The following ANK3 variants were observed in gnomAD, a reference collection of about 807,000 sequenced individuals.
The protein encoded by ANK3 is ankyrin-3.
In ANK3, 57 loss-of-function variants were observed where a neutral mutation model predicts 370.9. That is an observed-to-expected ratio of 0.15 (90% CI 0.12 to 0.19). The LOEUF (loss-of-function observed/expected upper bound fraction) is 0.19, where lower values mean the gene tolerates loss of function less well. Among genes scored for constraint, ANK3 ranks in the 10% least tolerant of loss-of-function variants. The pLI, the probability that ANK3 is intolerant of heterozygous loss-of-function variation, is 1.00. For missense variants in ANK3, 4,439 were observed against 5,302.1 expected (o/e 0.84, Z 5.06); for synonymous variants, 1,929 against 1,946.3 (o/e 0.99, Z 0.23).
chr10:60,422,272 T>C (rs2063794584), intron 2 of ANK3, among the ~76,000 whole-genome samples: 1 of 152,118 alleles, frequency 6.6e-6, no homozygotes, highest in Non-Finnish European at 1.5e-5. Flanking sequence ...AATTCATTCA[T>C]TCTTCCATTA....
At chr10:60,284,988 A>C (rs1175742196) in intron 1 of ANK3, among the ~76,000 whole-genome samples, 1 of 151,962 alleles carries the variant, frequency 6.6e-6, no homozygotes, top group Non-Finnish European at 1.5e-5. Flanking sequence ...AAACAAAACC[A>C]AAAATACAAA....
chr10:60,188,345 T>C (rs1465935360), intron 16 of ANK3, among the ~76,000 whole-genome samples: 2 of 152,160 alleles, frequency 1.3e-5, no homozygotes, highest in East Asian at 1.9e-4. Context: ...TCACAGTCAC[T>C]TACAAGAAGT....
At chr10:60,565,214 G>A (rs1353776359) in intron 2 of ANK3, among the ~76,000 whole-genome samples, 6 of 152,172 alleles carry the variant, frequency 3.9e-5, no homozygotes, top group African/African-American at 9.7e-5. Context: ...TTCCACAGAT[G>A]GTGGAGATGG....
intron 25 of ANK3, among the ~76,000 whole-genome samples, chr10:60,130,232 C>G (rs1032053790): frequency 6.6e-6 from 1 of 152,200 alleles, no homozygotes; most frequent in Admixed American, 6.5e-5. Context: ...CAGCTCTGGC[C>G]TCCACATGTG....
intron 42 of ANK3, among the ~76,000 whole-genome samples, chr10:60,047,927 T>G (rs890012369): frequency 1.3e-5 from 2 of 152,188 alleles, no homozygotes; most frequent in Admixed American, 1.3e-4. Flanking sequence ...TTAAGTCCCA[T>G]GACAAATGGG....
intron 2 of ANK3, among the ~76,000 whole-genome samples, chr10:60,594,315 G>A (rs2077957696): frequency 1.3e-5 from 2 of 152,050 alleles, no homozygotes; most frequent in South Asian, 2.1e-4. Flanking sequence ...GCTAATCCCC[G>A]GACTACAGCT....
chr10:60,261,879 C>A lies in ANK3; in HGVS notation c.778G>T (p.Ala260Ser). 1.9e-6 allele frequency: 3 copies of A among 1,614,082 alleles called. No individual in the cohort carries two copies. The highest frequency in any genetic ancestry group is 2.5e-6 in the Non-Finnish European group (3 of 1,179,970). Reference sequence around the variant, plus strand: ...CTTACCCTTGCGGTGAAATCCACAGCAGCCGCTCGGTTTAACAGCAACGTG... The same window carrying A: ...CTTACCCTTGCGGTGAAATCCACAGAAGCCGCTCGGTTTAACAGCAACGTG... ...VATLLLNRAA[A>S]VDFTARNDIT... is the part of the protein sequence containing the mutation. The change falls in exon 7 of 44, where the codon GCT becomes TCT. Residue 260 changes from alanine to serine, a missense_variant. Physicochemically the swap from Ala to Ser is moderately conservative, Grantham distance 99. Around this residue, in one of 13 missense-constraint regions of ANK3, gnomAD observed 227 missense variants for 377.6 expected, o/e 0.60. Coordinates refer to ENST00000280772, the MANE Select transcript of ANK3 (RefSeq NM_020987.5).
At chr10:60,265,224 TCCCTCCTCATTGACCATTA>T (rs2097859772) in intron 5 of ANK3, among the ~76,000 whole-genome samples, 2 of 152,160 alleles carry the variant, frequency 1.3e-5, no homozygotes, top group Non-Finnish European at 2.9e-5. Context: ...CAAAAACTTA[TCCCTCCTCATTGACCATTA>T]CCTCCTGTCT....
intron 8 of ANK3, among the ~76,000 whole-genome samples, chr10:60,233,030 T>G (rs894530994): frequency 6.6e-6 from 1 of 152,196 alleles, no homozygotes; most frequent in East Asian, 1.9e-4. Flanking sequence ...GATAGATGGA[T>G]GTTTGTCGTG....
In ANK3 at chr10:60,080,545, G is replaced by A. The variant is rs200130698; in HGVS notation, c.4424C>T (p.Pro1475Leu). Residue 1475 changes from proline (P) to leucine (L), a missense_variant, in exon 36 of 44, where the codon CCT (proline) becomes CTT (leucine). Coordinates refer to ENST00000280772, the MANE Select transcript of ANK3 (RefSeq NM_020987.5). ...LRKRYSYLTE[P>L]GMIERSTGAT... ...TGTGTTAGGAAACTCACTCATTCCA[G>A]GCTCAGTCAAGTAGCTGTAGCGCTT... The A allele has an allele frequency of 1.3e-4, 203 of 1,612,376 alleles. No individual in the cohort carries two copies. Among genetic ancestry groups the A allele is most frequent in the Non-Finnish European group, 1.6e-4 (190 of 1,179,146 alleles).
chr10:60,715,332 C>T (rs2079770618), intron 1 of ANK3, among the ~76,000 whole-genome samples: 1 of 151,588 alleles, frequency 6.6e-6, no homozygotes, highest in Non-Finnish European at 1.5e-5. Flanking sequence ...ATGCCTGGCA[C>T]AAAGAGGTGT....
chr10:60,266,449 T>C (rs2097881154), intron 5 of ANK3, among the ~76,000 whole-genome samples: 1 of 152,006 alleles, frequency 6.6e-6, no homozygotes, highest in African/African-American at 2.4e-5. Flanking sequence ...AAAAGGAAAA[T>C]TGTGTTTTGA....
rs553917492 is a variant in ANK3, at chr10:60,695,021, C to T, written c.57+38242G>A. Among the ~76,000 whole-genome samples the T allele has an allele frequency of 8.6e-3, 1,261 of 146,172 alleles. 7 individuals carry two copies. The highest frequency in any genetic ancestry group is 0.014 in the Non-Finnish European group (947 of 66,140). On this transcript the variant is annotated intron_variant, in intron 1 of 43. Transcript: ENST00000373827. ...GAAACCCATCTCACGTGCAGAGACA[C>T]ACATAGGCTCAAAATAAAAGGATGG...
chr10:60,269,576 C>A (rs1273381097), intron 5 of ANK3, among the ~76,000 whole-genome samples: 2 of 151,704 alleles, frequency 1.3e-5, no homozygotes, highest in Non-Finnish European at 1.5e-5. Context: ...ACCCGGGAGG[C>A]GGAGGTTGCA....
chr10:60,647,608 A>T (rs1343179057), intron 1 of ANK3, among the ~76,000 whole-genome samples: 2 of 151,874 alleles, frequency 1.3e-5, no homozygotes, highest in Non-Finnish European at 1.5e-5. Context: ...AAAACAGTAA[A>T]AAAAAAAAAA....
intron 1 of ANK3, among the ~76,000 whole-genome samples, chr10:60,376,518 T>C (rs984607132): frequency 6.6e-6 from 1 of 152,198 alleles, no homozygotes; most frequent in Non-Finnish European, 1.5e-5. Flanking sequence ...AATTACAGCC[T>C]GCCGCTGAAG....
intron 28 of ANK3, among the ~76,000 whole-genome samples, chr10:60,096,807 A>G (rs2090222521): frequency 6.6e-6 from 1 of 152,214 alleles, no homozygotes; most frequent in Non-Finnish European, 1.5e-5. Flanking sequence ...TTGTTTTTTA[A>G]AAGGATATTC....
At position 60,069,096 on chromosome 10, in the gene ANK3, C is replaced by T; in HGVS notation, c.11785G>A (p.Ala3929Thr). ...HRDNIIAVRKACATQKQGQPE... is the reference protein window; with the variant it reads ...HRDNIIAVRKTCATQKQGQPE... ...TGCCCTTGCTTTTGTGTGGCACATG[C>T]TTTTCTAACTGCAATTATGTTATCC... Residue 3929 changes from alanine (A) to threonine (T), a missense_variant, in exon 37 of 44, where the codon GCA becomes ACA. Ala to Thr is a moderately conservative substitution (Grantham distance 58, BLOSUM62 0). Coordinates refer to ENST00000280772, the MANE Select transcript of ANK3 (RefSeq NM_020987.5). 1 of 1,614,090 alleles carries T rather than the reference C, an allele frequency of 6.2e-7. No homozygotes were observed. Among genetic ancestry groups the T allele is most frequent in the South Asian group, 1.1e-5 (1 of 91,078 alleles).
At chr10:60,245,903 A>G (rs1428494733) in intron 7 of ANK3, among the ~76,000 whole-genome samples, 1 of 152,198 alleles carries the variant, frequency 6.6e-6, no homozygotes, top group Non-Finnish European at 1.5e-5. Context: ...ACCTATTATT[A>G]GTGACACAAG....
Sources: gnomAD v4.1 joint callset for allele counts (sites outside exome capture counted in the v4.1 genomes callset) on GRCh38, gnomAD v4.1.1 for gene constraint, gnomAD v4.1.1 regional missense constraint, MANE v1.5 for transcripts, NCBI Gene and HGNC (gene_info 2026-07-23, HGNC 2026-07-21) for gene names.